The following AGTPBP1 variants were observed in gnomAD, a reference collection of about 807,000 sequenced individuals.
AGTPBP1 encodes ATP/GTP binding carboxypeptidase 1.
AGTPBP1 carries 70 observed loss-of-function variants against 143.9 expected under a neutral mutation model. That is an observed-to-expected ratio of 0.49 (90% CI 0.40 to 0.59). The LOEUF (loss-of-function observed/expected upper bound fraction) is 0.59, where lower values mean the gene tolerates loss of function less well. Among genes scored for constraint, AGTPBP1 ranks in the 20% least tolerant of loss-of-function variants. The probability of loss-of-function intolerance (pLI) is 0.00; values close to 1 mark genes in which losing one functional copy is unlikely to be tolerated. For missense variants in AGTPBP1, 1,229 were observed against 1,464.5 expected (o/e 0.84, Z 2.62); for synonymous variants, 463 against 500.2 (o/e 0.93, Z 0.99).
At chr9:85,697,085 A>G (rs62569252) in intron 2 of AGTPBP1, among the ~76,000 whole-genome samples, 103 of 152,304 alleles carry the variant, frequency 6.8e-4, no homozygotes, top group Middle Eastern at 3.4e-3. Flanking sequence ...AAGGACAACA[A>G]TCTAAAAAGG....
chr9:85,750,932 T>C, the AGTPBP1 span, among the ~76,000 whole-genome samples: 1 of 152,202 alleles, frequency 6.6e-6, no homozygotes, highest in African/African-American at 2.4e-5. Flanking sequence ...CCACAGTGAC[T>C]ACCTACATTA....
intron 17 of AGTPBP1, among the ~76,000 whole-genome samples, chr9:85,606,765 T>G (rs1408366599): frequency 1.3e-5 from 2 of 152,072 alleles, no homozygotes; most frequent in African/African-American, 4.8e-5. Context: ...TGGATGGAAT[T>G]GGAAGTCTTT....
chr9:85,800,463 A>C, the AGTPBP1 span, among the ~76,000 whole-genome samples: 1 of 152,138 alleles, frequency 6.6e-6, no homozygotes, highest in Non-Finnish European at 1.5e-5. Context: ...GTGATCACTC[A>C]TCCATCTGCT....
At chr9:85,695,487 G>A (rs868463409) in intron 2 of AGTPBP1, among the ~76,000 whole-genome samples, 3 of 152,138 alleles carry the variant, frequency 2.0e-5, no homozygotes, top group Non-Finnish European at 4.4e-5. Flanking sequence ...CATTTGCACC[G>A]ATGGTCCAAA....
In AGTPBP1 at chr9:85,677,397, A is replaced by T. The variant is rs554789671; in HGVS notation, c.436+39T>A. The T allele has an allele frequency of 1.2e-5, 19 of 1,559,080 alleles. 1 individual carries two copies. The South Asian group carries it at 1.9e-4, about 16-fold the overall frequency. ...GTGAGAGAATCACTGTTACAAAAATAGTTCTAGATACAATAATCATACAAA... is the reference window on the plus strand; with the variant it reads ...GTGAGAGAATCACTGTTACAAAAATTGTTCTAGATACAATAATCATACAAA... On this transcript the variant is annotated intron_variant, in intron 6 of 25. Transcript: ENST00000357081.
chr9:85,759,163 A>T, the AGTPBP1 span, among the ~76,000 whole-genome samples: 1 of 152,156 alleles, frequency 6.6e-6, no homozygotes, highest in African/African-American at 2.4e-5. Flanking sequence ...CTCCCACACA[A>T]TAATAATGGG....
At position 85,606,224 on chromosome 9, in the gene AGTPBP1, C is replaced by T. The variant is rs754281159; in HGVS notation, c.2336-9775G>A. On this transcript the variant is annotated intron_variant, in intron 17 of 25. Transcript: ENST00000357081. ...AATAGTAAAAAATAATCATAATAAT[C>T]TCATTAAAAAGTAGGCAAAGGACAT... Among the ~76,000 whole-genome samples, 5 of 151,712 alleles carry T rather than the reference C, an allele frequency of 3.3e-5. No homozygotes were observed. In the East Asian group the frequency reaches 9.6e-4, roughly 29 times the overall value.
chr9:85,656,063 G>A (rs748548707), intron 10 of AGTPBP1, among the ~76,000 whole-genome samples: 3 of 152,162 alleles, frequency 2.0e-5, no homozygotes, highest in African/African-American at 4.8e-5. Flanking sequence ...TTCTGACCTC[G>A]TGATCCGCCC....
chr9:85,641,951 G>A (rs556073442), intron 13 of AGTPBP1, among the ~76,000 whole-genome samples: 8 of 152,068 alleles, frequency 5.3e-5, no homozygotes, highest in African/African-American at 9.6e-5. Flanking sequence ...TGCCCACCTC[G>A]GCCTCCCAAA....
At chr9:85,700,491 G>C (rs1384824880) in intron 2 of AGTPBP1, among the ~76,000 whole-genome samples, 1 of 152,184 alleles carries the variant, frequency 6.6e-6, no homozygotes, top group East Asian at 1.9e-4. Flanking sequence ...CACAGCCACA[G>C]ATTAACCTCA....
At chr9:85,730,919 T>C (rs1168133204) in intron 1 of AGTPBP1, among the ~76,000 whole-genome samples, 1 of 152,260 alleles carries the variant, frequency 6.6e-6, no homozygotes, top group Non-Finnish European at 1.5e-5. Flanking sequence ...ATTGAACCCA[T>C]ACTGATACAT....
At chr9:85,675,651 T>C (rs62569209) in intron 6 of AGTPBP1, among the ~76,000 whole-genome samples, 2,549 of 152,286 alleles carry the variant, frequency 0.017, 26 homozygotes, top group Middle Eastern at 0.054. Context: ...GACCCAAAAC[T>C]TTTTCTTTTT....
At chr9:85,679,408 T>C (rs1172236724) in intron 4 of AGTPBP1, among the ~76,000 whole-genome samples, 1 of 151,916 alleles carries the variant, frequency 6.6e-6, no homozygotes, top group Non-Finnish European at 1.5e-5. Context: ...GAAGAAGTTC[T>C]TTTTTTTCTT....
chr9:85,772,694 A>G, the AGTPBP1 span, among the ~76,000 whole-genome samples: 3 of 151,988 alleles, frequency 2.0e-5, no homozygotes, highest in Non-Finnish European at 4.4e-5. Context: ...TGGAAGCTGC[A>G]GTGAACTATG....
chr9:85,593,554 T>C (rs975484830), intron 18 of AGTPBP1, among the ~76,000 whole-genome samples: 2 of 152,200 alleles, frequency 1.3e-5, no homozygotes, highest in African/African-American at 4.8e-5. Context: ...TCTTTCTGTG[T>C]TGTGATAATC....
At chr9:85,553,962 A>G (rs1826181439) in intron 25 of AGTPBP1, 2 of 152,220 alleles carry the variant, frequency 1.3e-5, no homozygotes, top group Non-Finnish European at 2.9e-5. Context: ...GTAGAACATT[A>G]GAACCTCTGG....
chr9:85,621,210 A>C lies in AGTPBP1; in HGVS notation c.2091T>G (p.Asp697Glu), dbSNP rs1373290886. 1 of 1,461,956 alleles carries C rather than the reference A, an allele frequency of 6.8e-7. No individual in the cohort carries two copies. The allele number at this position is 1,461,956 out of a possible 1,614,324, so 90.6% of individuals were successfully genotyped here. A position where few individuals can be genotyped will look rare whatever the true frequency, so the allele number is the denominator to read the frequency against. Residue 697 changes from aspartate to glutamate, a missense_variant, in exon 15 of 26, where the codon GAT (aspartate) becomes GAG (glutamate). By Grantham distance (45) the Asp-to-Glu change is conservative (BLOSUM62 2). Around this residue, in one of 2 missense-constraint regions of AGTPBP1, gnomAD observed 486 missense variants for 652.3 expected, o/e 0.75. Coordinates refer to ENST00000357081, the MANE Select transcript of AGTPBP1 (RefSeq NM_001330701.2). ...TTAAAATCAAGACTTACTTTGGGTT[A>C]TCCAAGTCATATACCACACGATCTA... The part of the protein sequence containing the change: ...DIIDRVVYDL[D>E]NPNYTIPEEG...
intron 17 of AGTPBP1, among the ~76,000 whole-genome samples, chr9:85,604,158 G>A (rs1162162616): frequency 6.6e-6 from 1 of 151,344 alleles, no homozygotes; most frequent in Non-Finnish European, 1.5e-5. Flanking sequence ...CATGGGCCTT[G>A]GGCAGGACCC....
chr9:85,547,378 C>G (rs1347364049), intron 25 of AGTPBP1, 92 bp from the exon 26 acceptor site: 1 of 1,096,226 alleles, frequency 9.1e-7, no homozygotes, highest in Admixed American at 3.3e-5. Flanking sequence ...AACTTTGATT[C>G]CAATATAATA....
Sources: gnomAD v4.1 joint callset for allele counts (sites outside exome capture counted in the v4.1 genomes callset) on GRCh38, gnomAD v4.1.1 for gene constraint, gnomAD v4.1.1 regional missense constraint, MANE v1.5 for transcripts, NCBI Gene and HGNC (gene_info 2026-07-23, HGNC 2026-07-21) for gene names.